RAP1GAP: variants seen among roughly 807,000 people sequenced by gnomAD.
The protein encoded by RAP1GAP is RAP1 GTPase activating protein, also known as rap1 GTPase-activating protein 1.
In RAP1GAP, 35 loss-of-function variants were observed where a neutral mutation model predicts 87.2. The observed-to-expected ratio is 0.40, with a 90% CI of 0.31 to 0.53. The LOEUF is 0.53. Among genes scored for constraint, RAP1GAP ranks in the 20% least tolerant of loss-of-function variants. The pLI, the probability that RAP1GAP is intolerant of heterozygous loss-of-function variation, is 0.48. For synonymous variants in RAP1GAP, 375 were observed against 363.9 expected (o/e 1.03, Z -0.35); for missense variants, 734 against 898.9 (o/e 0.82, Z 2.35).
chr1:21,603,616 C>A lies in RAP1GAP; in HGVS notation c.1429-703G>T. ...CAGGGTCCCAGGGGCCAAGGCAGGG[C>A]CAGAAGCCCCTGGTGAGGGGCACTG... is the stretch of plus-strand genomic sequence containing the variant. On this transcript the variant is annotated intron_variant, in intron 18 of 24. Coordinates refer to ENST00000374765, the MANE Select transcript of RAP1GAP (RefSeq NM_002885.4). This position sits in a 1 kb window ranked among gnomAD's most constrained non-coding sequence, Gnocchi z 6.0. 1 of 722,938 alleles carries A rather than the reference C, an allele frequency of 1.4e-6. No individual in the cohort carries two copies. Among genetic ancestry groups the A allele is most frequent in the South Asian group, 1.5e-5 (1 of 68,938 alleles). The allele number at this position is 722,938 out of a possible 1,614,324, so 44.8% of individuals were successfully genotyped here.
chr1:21,619,927 T>G, intron 4 of RAP1GAP, 88 bp downstream of exon 4: 1 of 1,415,464 alleles, frequency 7.1e-7, no homozygotes, highest in Non-Finnish European at 1.0e-6. Flanking sequence ...CTCAGGGAGG[T>G]GAAGGGCTGG....
At chr1:21,651,833 C>A in intron 1 of RAP1GAP, 2 of 1,202,186 alleles carry the variant, frequency 1.7e-6, no homozygotes, top group South Asian at 3.1e-5. Flanking sequence ...GGTGCCGCCG[C>A]CGCCGCCCGG....
intron 18 of RAP1GAP, chr1:21,604,054 C>T: frequency 2.9e-6 from 2 of 682,312 alleles, no homozygotes; most frequent in Non-Finnish European, 2.4e-6. Flanking sequence ...GAGAACGGTG[C>T]AGGAGGCAAT....
intron 2 of RAP1GAP, among the ~76,000 whole-genome samples, chr1:21,637,346 G>A (rs1457548049): frequency 6.6e-6 from 1 of 151,268 alleles, no homozygotes. Context: ...GTAGAGACAG[G>A]GTTTCACCAT....
chr1:21,597,880 C>A (rs762525199), intron 23 of RAP1GAP, 81 bp downstream of exon 23: 12 of 1,500,560 alleles, frequency 8.0e-6, no homozygotes, highest in Non-Finnish European at 1.1e-5. Context: ...CTTGGTCGAG[C>A]CTCAGCTCCC....
At chr1:21,658,052 G>A (rs961430734) in intron 1 of RAP1GAP, among the ~76,000 whole-genome samples, 4 of 152,164 alleles carry the variant, frequency 2.6e-5, no homozygotes, top group Non-Finnish European at 5.9e-5. Flanking sequence ...GGAAAGCTAC[G>A]CTGGTGAGAG....
At chr1:21,629,381 C>T (rs977885959) in intron 2 of RAP1GAP, among the ~76,000 whole-genome samples, 2 of 152,182 alleles carry the variant, frequency 1.3e-5, no homozygotes, top group African/African-American at 2.4e-5. Context: ...ACCCTCTCTG[C>T]CTCAGTCTCC....
At chr1:21,631,465 C>T (rs190924165) in intron 2 of RAP1GAP, among the ~76,000 whole-genome samples, 2 of 152,196 alleles carry the variant, frequency 1.3e-5, no homozygotes, top group Admixed American at 6.5e-5. Flanking sequence ...GCGGGTGGAT[C>T]GCCTGAGGCC....
At chr1:21,632,527 C>T (rs2093963978) in intron 2 of RAP1GAP, among the ~76,000 whole-genome samples, 1 of 152,152 alleles carries the variant, frequency 6.6e-6, no homozygotes. Context: ...AGGCCGTGAG[C>T]AGCAGATCAG....
intron 20 of RAP1GAP, among the ~76,000 whole-genome samples, chr1:21,599,870 AT>A (rs1034529479): frequency 2.0e-5 from 3 of 152,120 alleles, no homozygotes; most frequent in African/African-American, 7.2e-5. Context: ...CTGGCCTCCC[AT>A]TTCCCCAGGT....
intron 7 of RAP1GAP, among the ~76,000 whole-genome samples, chr1:21,614,851 T>C (rs1442075013): frequency 1.3e-5 from 2 of 152,156 alleles, no homozygotes; most frequent in African/African-American, 4.8e-5. Context: ...TAGCCCAAGT[T>C]CTGGGAGTGG....
rs769734791 is a variant in RAP1GAP, at chr1:21,611,807, C to T, written c.622G>A (p.Glu208Lys). ...TCCTCATTGGTGCTGAAGAGTTCTT[C>T]CTCGGAGGTCTGGGGATGAGGGGCC... ...IYQKLGQTSEEELFSTNEESP... is the reference protein window; with the variant it reads ...IYQKLGQTSEKELFSTNEESP... The change falls in exon 12 of 25, where the codon GAA (glutamate) becomes AAA (lysine). Residue 208 changes from glutamate to lysine, a missense_variant. Transcript: ENST00000374765. 6 of 1,612,806 alleles carry T rather than the reference C, an allele frequency of 3.7e-6. No individual in the cohort carries two copies. The South Asian group carries it at 6.6e-5, about 18-fold the overall frequency.
At position 21,609,535 on chromosome 1, in the gene RAP1GAP, TTTG is replaced by T. The variant is rs1370650806; in HGVS notation, c.1071+37_1071+39del. ...TATGCACCCCCCAGGCCCCCACCCA[TTTG>T]TCCTGCTCTGCCCATGACTGGGGGG... On this transcript the variant is annotated intron_variant, in intron 15 of 24. Coordinates refer to ENST00000374765, the MANE Select transcript of RAP1GAP (RefSeq NM_002885.4). The surrounding 1 kb of genome is among the most constrained non-coding windows in gnomAD (Gnocchi z 4.4). 1.6e-6 allele frequency: 2 copies of T among 1,238,660 alleles called. No homozygotes were observed. Among genetic ancestry groups the T allele is most frequent in the East Asian group, 5.4e-5 (2 of 37,150 alleles). 76.7% of individuals were successfully genotyped at this position (1,238,660 alleles called of 1,614,324 possible).
intron 2 of RAP1GAP, among the ~76,000 whole-genome samples, chr1:21,628,284 G>A (rs925977466): frequency 4.0e-5 from 6 of 151,850 alleles, no homozygotes; most frequent in Non-Finnish European, 7.4e-5. Flanking sequence ...TGGGCGTGAT[G>A]GCTCACACCT....
At chr1:21,649,740 C>T (rs1364716150) in intron 2 of RAP1GAP, 21 bp downstream of exon 2, 3 of 1,551,660 alleles carry the variant, frequency 1.9e-6, no homozygotes, top group South Asian at 1.2e-5. Flanking sequence ...CCAGGCCCTC[C>T]TGAGAGTCCC....
chr1:21,628,238 C>T (rs2092831996), intron 2 of RAP1GAP, among the ~76,000 whole-genome samples: 2 of 151,750 alleles, frequency 1.3e-5, no homozygotes, highest in Admixed American at 6.6e-5. Flanking sequence ...AGGGTGGGGA[C>T]TAAAGAGAGG....
At chr1:21,640,884 C>T (rs80194512) in intron 2 of RAP1GAP, among the ~76,000 whole-genome samples, 6,401 of 152,152 alleles carry the variant, frequency 0.042, 197 homozygotes, top group Non-Finnish European at 0.062. Context: ...ACCACCCCAC[C>T]GGGCCTGTCT....
Position 21,615,097 on chromosome 1 carries a change from G to A in RAP1GAP, c.292-1008C>T, listed in dbSNP as rs1356331597. On this transcript the variant is annotated intron_variant, in intron 7 of 24. Coordinates refer to ENST00000374765, the MANE Select transcript of RAP1GAP (RefSeq NM_002885.4). The surrounding 1 kb of genome is among the most constrained non-coding windows in gnomAD (Gnocchi z 4.5). ...CTTGACATCATCCAGCAGAGAGGGA[G>A]TGGCAGGCACTTGATAAGGAGGCCC... is the stretch of plus-strand genomic sequence containing the variant. Among the ~76,000 whole-genome samples, 1 of 152,194 alleles carries A rather than the reference G, an allele frequency of 6.6e-6. No homozygotes were observed. Among genetic ancestry groups the A allele is most frequent in the African/African-American group, 2.4e-5 (1 of 41,456 alleles).
chr1:21,619,904 G>C, intron 4 of RAP1GAP, 111 bp downstream of exon 4: 1 of 1,164,406 alleles, frequency 8.6e-7, no homozygotes, highest in Non-Finnish European at 1.3e-6. Flanking sequence ...ATCTTCTACT[G>C]GCGTGGCCTG....
Sources: allele counts gnomAD v4.1 joint callset (sites outside exome capture counted in the v4.1 genomes callset), GRCh38; gene constraint gnomAD v4.1.1; non-coding constraint Gnocchi (gnomAD v3.1); transcripts MANE v1.5; gene names NCBI Gene and HGNC (gene_info 2026-07-23, HGNC 2026-07-21).